The following C12orf42 variants were observed in gnomAD, a reference collection of about 807,000 sequenced individuals.
The protein encoded by C12orf42 is uncharacterized protein C12orf42.
In C12orf42, 25 loss-of-function variants were observed where a neutral mutation model predicts 21.6. That is an observed-to-expected ratio of 1.16 (90% CI 0.84 to 1.62). The LOEUF is 1.62. Among genes scored for constraint, C12orf42 ranks in the 40% most tolerant of loss-of-function variants. The pLI, the probability that C12orf42 is intolerant of heterozygous loss-of-function variation, is 0.00. For synonymous variants in C12orf42, 174 were observed against 175.0 expected (o/e 0.99, Z 0.05); for missense variants, 483 against 459.3 (o/e 1.05, Z -0.47).
chr12:103,423,689 T>A (rs193067037), intron 2 of C12orf42, among the ~76,000 whole-genome samples: 1 of 152,314 alleles, frequency 6.6e-6, no homozygotes, highest in Admixed American at 6.5e-5. Context: ...TAGTCACATT[T>A]CTATGAGGAA....
chr12:103,297,878 GA>G (rs1194171993), downstream of C12orf42, among the ~76,000 whole-genome samples: 4 of 149,446 alleles, frequency 2.7e-5, no homozygotes, highest in Non-Finnish European at 6.0e-5. Context: ...AATAGATGCA[GA>G]AAAGGCCTGT....
chr12:103,301,936 C>T (rs536885395), downstream of C12orf42: 10 of 720,606 alleles, frequency 1.4e-5, no homozygotes. Context: ...TCAAAAGGAA[C>T]ATTTTTGGCT....
intron 10 of C12orf42, among the ~76,000 whole-genome samples, chr12:103,254,244 G>T (rs189617285): frequency 1.3e-5 from 2 of 151,988 alleles, no homozygotes; most frequent in African/African-American, 4.8e-5. Flanking sequence ...ATCCTTTCCC[G>T]GTTGCTTGTT....
intron 10 of C12orf42, among the ~76,000 whole-genome samples, chr12:103,240,766 C>T (rs2033697817): frequency 6.6e-6 from 1 of 152,170 alleles, no homozygotes; most frequent in Admixed American, 6.6e-5. Flanking sequence ...ATGCAAGGAG[C>T]ACTTTACATT....
intron 4 of C12orf42, among the ~76,000 whole-genome samples, chr12:103,362,557 C>T (rs1272473232): frequency 6.6e-5 from 10 of 151,908 alleles, no homozygotes; most frequent in African/African-American, 2.4e-4. Flanking sequence ...AATTAAGGAG[C>T]ACCAGAAAAA....
intron 4 of C12orf42, among the ~76,000 whole-genome samples, chr12:103,294,984 T>A (rs530623734): frequency 6.6e-6 from 1 of 152,298 alleles, no homozygotes; most frequent in East Asian, 1.9e-4. Context: ...TGTGTTCTCA[T>A]AATTTAGCTC....
At chr12:103,511,429 T>C in the C12orf42 span, among the ~76,000 whole-genome samples, 1 of 151,626 alleles carries the variant, frequency 6.6e-6, no homozygotes, top group Non-Finnish European at 1.5e-5. Flanking sequence ...TTATATATAA[T>C]GCATGCATAT....
At chr12:103,488,581 C>T (rs1382478946) in intron 1 of C12orf42, among the ~76,000 whole-genome samples, 2 of 152,188 alleles carry the variant, frequency 1.3e-5, no homozygotes, top group Non-Finnish European at 1.5e-5. Context: ...ATTACTTTCA[C>T]GTACACCAAT....
downstream of C12orf42, among the ~76,000 whole-genome samples, chr12:103,297,140 T>C (rs2037345128): frequency 6.6e-6 from 1 of 152,196 alleles, no homozygotes; most frequent in Non-Finnish European, 1.5e-5. Flanking sequence ...TTCTTGTTTT[T>C]GTCAGGTTTG....
At chr12:103,272,319 G>T (rs559808252) in intron 5 of C12orf42, among the ~76,000 whole-genome samples, 1 of 152,260 alleles carries the variant, frequency 6.6e-6, no homozygotes, top group South Asian at 2.1e-4. Flanking sequence ...TTAAGACCAA[G>T]AAAGGGAATG....
chr12:103,488,096 G>T lies in C12orf42; in HGVS notation c.-22+7806C>A, dbSNP rs183658177. Among the ~76,000 whole-genome samples the T allele has an allele frequency of 3.5e-3, 538 of 152,266 alleles. 5 individuals are homozygous for T. Among genetic ancestry groups the T allele is most frequent in the African/African-American group, 0.013 (521 of 41,536 alleles). On this transcript the variant is annotated intron_variant, in intron 1 of 5. Coordinates refer to ENST00000548883, the MANE Select transcript of C12orf42 (RefSeq NM_198521.5). ...CATGTTTTTGCAGTGGCTGGTACTGGCTGTTCCTTTCCATGTATAGTGCTT... is the reference window on the plus strand; with the variant it reads ...CATGTTTTTGCAGTGGCTGGTACTGTCTGTTCCTTTCCATGTATAGTGCTT...
At chr12:103,269,323 C>T (rs2136250137) in intron 6 of C12orf42, among the ~76,000 whole-genome samples, 1 of 152,232 alleles carries the variant, frequency 6.6e-6, no homozygotes, top group African/African-American at 2.4e-5. Context: ...AATGTGGCTG[C>T]AGCTTCATTT....
intron 2 of C12orf42, among the ~76,000 whole-genome samples, chr12:103,426,253 A>G (rs1592750172): frequency 6.6e-6 from 1 of 152,368 alleles, no homozygotes; most frequent in East Asian, 1.9e-4. Flanking sequence ...AAACCAGTTT[A>G]AAGAAAAACA....
At chr12:103,177,612 ACT>A in the C12orf42 span, among the ~76,000 whole-genome samples, 1 of 152,192 alleles carries the variant, frequency 6.6e-6, no homozygotes, top group Admixed American at 6.5e-5. Context: ...ACGGCCAGAA[ACT>A]CTGCTGAAAA....
intron 4 of C12orf42, among the ~76,000 whole-genome samples, chr12:103,295,051 A>G (rs1400914452): frequency 6.6e-6 from 1 of 152,138 alleles, no homozygotes; most frequent in African/African-American, 2.4e-5. Flanking sequence ...TTAGCTTGCT[A>G]AGGATAATGG....
At chr12:103,160,858 G>A in the C12orf42 span, among the ~76,000 whole-genome samples, 1 of 152,166 alleles carries the variant, frequency 6.6e-6, no homozygotes, top group South Asian at 2.1e-4. Flanking sequence ...TTTTGTTCTG[G>A]ACTTACTGGA....
intron 4 of C12orf42, among the ~76,000 whole-genome samples, chr12:103,323,441 T>C (rs2040376823): frequency 6.6e-6 from 1 of 152,190 alleles, no homozygotes; most frequent in East Asian, 1.9e-4. Flanking sequence ...ACTTACAGTG[T>C]AGCTATGTCT....
the C12orf42 span, among the ~76,000 whole-genome samples, chr12:103,167,190 C>T: frequency 2.0e-5 from 3 of 152,214 alleles, no homozygotes; most frequent in Non-Finnish European, 4.4e-5. Flanking sequence ...CCTGCTCCGA[C>T]TTGGCCCAGC....
the C12orf42 span, chr12:103,549,381 T>G: frequency 6.6e-6 from 1 of 152,220 alleles, no homozygotes; most frequent in Non-Finnish European, 1.5e-5. Flanking sequence ...CTACAGTACA[T>G]GATCAAAACC....
Sources: allele counts gnomAD v4.1 joint callset (sites outside exome capture counted in the v4.1 genomes callset), GRCh38; gene constraint gnomAD v4.1.1; transcripts MANE v1.5; gene names NCBI Gene and HGNC (gene_info 2026-07-23, HGNC 2026-07-21).